ADGRL3: variants seen among roughly 807,000 people sequenced by gnomAD.
ADGRL3 encodes the protein adhesion G protein-coupled receptor L3, also known as calcium-independent alpha-latrotoxin receptor 3.
ADGRL3 carries 62 observed loss-of-function variants against 153.5 expected under a neutral mutation model. The ratio of observed to expected loss-of-function variants is 0.40; its 90% confidence interval spans 0.33 to 0.50. The LOEUF is 0.50. ADGRL3 is among the 20% of genes least tolerant of loss of function. ADGRL3 has a pLI of 0.47. For missense variants in ADGRL3, 1,641 were observed against 1,859.4 expected (o/e 0.88, Z 2.16); for synonymous variants, 710 against 672.5 (o/e 1.06, Z -0.86).
intron 1 of ADGRL3, among the ~76,000 whole-genome samples, chr4:61,347,016 T>G (rs923469203): frequency 5.9e-5 from 9 of 152,044 alleles, no homozygotes; most frequent in African/African-American, 2.2e-4. Context: ...TGCTTAGATG[T>G]TAGCAAATGC....
intron 6 of ADGRL3, among the ~76,000 whole-genome samples, chr4:61,721,453 C>T (rs1354138194): frequency 6.6e-6 from 1 of 152,182 alleles, no homozygotes; most frequent in Non-Finnish European, 1.5e-5. Flanking sequence ...GCCCAGAAGA[C>T]TCAACAAGTT....
intron 8 of ADGRL3, among the ~76,000 whole-genome samples, chr4:61,791,864 T>TTGGC (rs1177639110): frequency 1.3e-5 from 2 of 152,284 alleles, no homozygotes; most frequent in South Asian, 2.1e-4. Context: ...GAGCTGTACA[T>TTGGC]TGGCCCCTTT....
At chr4:61,242,299 C>T (rs546753542) in intron 1 of ADGRL3, among the ~76,000 whole-genome samples, 1 of 151,986 alleles carries the variant, frequency 6.6e-6, no homozygotes, top group South Asian at 2.1e-4. Context: ...CTGCAGAGGA[C>T]CAGGCATGTA....
At chr4:61,663,578 A>G (rs978276758) in intron 5 of ADGRL3, among the ~76,000 whole-genome samples, 2 of 152,168 alleles carry the variant, frequency 1.3e-5, no homozygotes, top group Non-Finnish European at 2.9e-5. Flanking sequence ...CCAGTAGCAC[A>G]AGCTGAGTGC....
intron 1 of ADGRL3, among the ~76,000 whole-genome samples, chr4:61,225,086 A>G (rs1002180328): frequency 1.3e-5 from 2 of 152,298 alleles, no homozygotes; most frequent in East Asian, 1.9e-4. Context: ...TTATTGGTGG[A>G]AAAGGAAAGA....
At chr4:61,722,438 C>T (rs1478825024) in intron 6 of ADGRL3, among the ~76,000 whole-genome samples, 1 of 152,056 alleles carries the variant, frequency 6.6e-6, no homozygotes, top group African/African-American at 2.4e-5. Context: ...GAGGAATAGC[C>T]TAGGAATGCT....
intron 12 of ADGRL3, 100 bp downstream of exon 12, chr4:61,909,845 T>A: frequency 2.3e-6 from 2 of 863,492 alleles, no homozygotes; most frequent in Non-Finnish European, 1.7e-6. Flanking sequence ...ACTGCTTAAT[T>A]TTCCTCCTTC....
chr4:61,560,656 AT>A (rs367548945), intron 4 of ADGRL3, among the ~76,000 whole-genome samples: 31,453 of 91,558 alleles, frequency 0.34, 3,446 homozygotes, highest in African/African-American at 0.38. Context: ...TTATTTATTT[AT>A]TTTTTTTGCC....
intron 4 of ADGRL3, among the ~76,000 whole-genome samples, chr4:61,540,630 A>G (rs1206071058): frequency 6.6e-6 from 1 of 152,220 alleles, no homozygotes; most frequent in African/African-American, 2.4e-5. Flanking sequence ...CATATGTTTT[A>G]GATATTAAAA....
intron 17 of ADGRL3, among the ~76,000 whole-genome samples, chr4:61,963,380 C>T (rs2098995329): frequency 6.6e-6 from 1 of 151,856 alleles, no homozygotes; most frequent in South Asian, 2.1e-4. Flanking sequence ...CAACAGAGTA[C>T]CTGATAGGTA....
intron 9 of ADGRL3, among the ~76,000 whole-genome samples, chr4:61,817,280 G>A (rs962384971): frequency 2.6e-5 from 4 of 152,184 alleles, no homozygotes; most frequent in Non-Finnish European, 4.4e-5. Context: ...GGCAGGGATG[G>A]CCTGAAGCCT....
intron 8 of ADGRL3, among the ~76,000 whole-genome samples, chr4:61,746,514 A>G (rs1343798572): frequency 6.6e-6 from 1 of 152,134 alleles, no homozygotes; most frequent in Non-Finnish European, 1.5e-5. Context: ...TCTCTCTGAG[A>G]CCACAGTGCA....
intron 1 of ADGRL3, among the ~76,000 whole-genome samples, chr4:61,244,633 T>C (rs578212970): frequency 2.0e-5 from 3 of 152,156 alleles, no homozygotes; most frequent in Non-Finnish European, 4.4e-5. Flanking sequence ...ATGGAACGGC[T>C]GTACCCTGAG....
intron 1 of ADGRL3, among the ~76,000 whole-genome samples, chr4:61,282,333 C>T (rs563353863): frequency 1.3e-5 from 2 of 152,132 alleles, no homozygotes; most frequent in South Asian, 2.1e-4. Flanking sequence ...TGTTAAACTT[C>T]TACTTTCACA....
chr4:61,293,231 C>T (rs1317627809), intron 1 of ADGRL3, among the ~76,000 whole-genome samples: 2 of 152,076 alleles, frequency 1.3e-5, no homozygotes, highest in African/African-American at 2.4e-5. Context: ...GAAGGAAAAG[C>T]GCAGACACAG....
At chr4:61,981,477 A>T (rs2099068119) in intron 18 of ADGRL3, among the ~76,000 whole-genome samples, 1 of 151,990 alleles carries the variant, frequency 6.6e-6, no homozygotes, top group African/African-American at 2.4e-5. Flanking sequence ...CCAGCCTTGT[A>T]CGTTATTGCA....
intron 16 of ADGRL3, 28 bp from the exon 17 acceptor site, chr4:61,948,072 G>T: frequency 6.3e-7 from 1 of 1,580,112 alleles, no homozygotes; most frequent in South Asian, 1.1e-5. Context: ...AGTAGTTGTT[G>T]ATTTTATGGA....
At chr4:62,041,147 A>G (rs1359950406) in intron 24 of ADGRL3, among the ~76,000 whole-genome samples, 3 of 152,110 alleles carry the variant, frequency 2.0e-5, no homozygotes, top group Non-Finnish European at 2.9e-5. Context: ...TATAATCTGC[A>G]TGTAGTAAAC....
At chr4:61,661,674 ATAAAG>A (rs1340218778) in intron 5 of ADGRL3, among the ~76,000 whole-genome samples, 7 of 152,288 alleles carry the variant, frequency 4.6e-5, no homozygotes, top group African/African-American at 1.7e-4. Flanking sequence ...AGTTCAAGAC[ATAAAG>A]TAGAGATCAT....
Sources: gnomAD v4.1 joint callset for allele counts (sites outside exome capture counted in the v4.1 genomes callset) on GRCh38, gnomAD v4.1.1 for gene constraint, MANE v1.5 for transcripts, NCBI Gene and HGNC (gene_info 2026-07-23, HGNC 2026-07-21) for gene names.